The following DAB1 variants were observed in gnomAD, a reference collection of about 807,000 sequenced individuals.
DAB1 encodes disabled homolog 1.
A neutral mutation model predicts 64.6 loss-of-function variants in DAB1; 15 were observed. The ratio of observed to expected loss-of-function variants is 0.23; its 90% CI spans 0.16 to 0.36. The LOEUF (loss-of-function observed/expected upper bound fraction) is 0.36. DAB1 is among the 10% of genes least tolerant of loss of function. The pLI is 1.00. For missense variants in DAB1, 596 were observed against 706.7 expected (o/e 0.84, Z 1.78); for synonymous variants, 235 against 251.9 (o/e 0.93, Z 0.64).
At chr1:57,019,963 A>G (rs1242778974) in intron 11 of DAB1, among the ~76,000 whole-genome samples, 3 of 152,272 alleles carry the variant, frequency 2.0e-5, no homozygotes, top group Non-Finnish European at 2.9e-5. Flanking sequence ...AAAACGAAGG[A>G]ACTCCTCCAA....
intron 7 of DAB1, among the ~76,000 whole-genome samples, chr1:57,447,254 C>A (rs2781324): frequency 0.44 from 66,444 of 151,972 alleles, 16,488 homozygotes; most frequent in Admixed American, 0.57. Flanking sequence ...AAAGAAGGAG[C>A]CTCTGTGAGT....
At chr1:57,651,478 T>A in intron 6 of DAB1, among the ~76,000 whole-genome samples, 1 of 152,218 alleles carries the variant, frequency 6.6e-6, no homozygotes, top group East Asian at 1.9e-4. Flanking sequence ...ATAAAACTAG[T>A]GATATATAGC....
intron 6 of DAB1, among the ~76,000 whole-genome samples, chr1:57,733,095 C>T (rs3131729): frequency 0.2 from 29,802 of 151,684 alleles, 3,748 homozygotes; most frequent in East Asian, 0.41. Flanking sequence ...GATTAAGGAA[C>T]GAAAAGACAG....
chr1:57,851,528 G>A (rs1473781981), intron 1 of DAB1, among the ~76,000 whole-genome samples: 1 of 152,194 alleles, frequency 6.6e-6, no homozygotes, highest in Non-Finnish European at 1.5e-5. Flanking sequence ...TAGCTGCAGG[G>A]CTGCTGAGCA....
intron 2 of DAB1, among the ~76,000 whole-genome samples, chr1:57,281,801 G>A (rs1358607753): frequency 6.6e-6 from 1 of 152,060 alleles, no homozygotes; most frequent in East Asian, 1.9e-4. Flanking sequence ...TCGGGGACGG[G>A]GGCCAGTGGG....
intron 4 of DAB1, among the ~76,000 whole-genome samples, chr1:58,245,611 T>G (rs1000484893): frequency 6.6e-6 from 1 of 152,110 alleles, no homozygotes; most frequent in Non-Finnish European, 1.5e-5. Flanking sequence ...GAGATCTGGG[T>G]TTGAATCCAT....
chr1:57,643,850 C>T (rs1453151149), intron 7 of DAB1, among the ~76,000 whole-genome samples: 3 of 152,142 alleles, frequency 2.0e-5, no homozygotes, highest in Admixed American at 6.6e-5. Flanking sequence ...CCTCAAACAT[C>T]TAGGACTGCT....
At chr1:57,164,107 G>A (rs183489896) in intron 2 of DAB1, among the ~76,000 whole-genome samples, 10 of 152,174 alleles carry the variant, frequency 6.6e-5, no homozygotes, top group African/African-American at 1.4e-4. Flanking sequence ...TTGAGGTCTC[G>A]GAATGAAATG....
chr1:58,536,455 T>C (rs1335455907), intron 1 of DAB1: 11 of 751,078 alleles, frequency 1.5e-5, no homozygotes, highest in Non-Finnish European at 2.4e-5. Flanking sequence ...TTTAAGATAC[T>C]TTCCTACTTT....
intron 9 of DAB1, among the ~76,000 whole-genome samples, chr1:57,060,928 A>G (rs1329857732): frequency 1.3e-5 from 2 of 151,838 alleles, no homozygotes; most frequent in African/African-American, 2.4e-5. Flanking sequence ...CAGCAAATGG[A>G]GCATGTTTCC....
At chr1:57,745,450 A>G (rs990353465) in intron 6 of DAB1, among the ~76,000 whole-genome samples, 1 of 152,196 alleles carries the variant, frequency 6.6e-6, no homozygotes, top group East Asian at 1.9e-4. Flanking sequence ...TGTTAAGTCT[A>G]TATCCAGAGA....
At chr1:57,282,897 G>A (rs1418907449) in intron 2 of DAB1, among the ~76,000 whole-genome samples, 2 of 152,194 alleles carry the variant, frequency 1.3e-5, no homozygotes, top group Non-Finnish European at 2.9e-5. Context: ...TTTACATGAT[G>A]TAGCTAATCA....
At chr1:57,525,472 G>A (rs1644580190) in intron 7 of DAB1, among the ~76,000 whole-genome samples, 3 of 152,022 alleles carry the variant, frequency 2.0e-5, no homozygotes, top group Admixed American at 1.3e-4. Context: ...TTAATTCTAG[G>A]AAAAATGAAA....
chr1:57,388,917 C>T (rs1429740385), intron 1 of DAB1, among the ~76,000 whole-genome samples: 1 of 152,264 alleles, frequency 6.6e-6, no homozygotes, highest in Non-Finnish European at 1.5e-5. Flanking sequence ...CGTGCCCTAG[C>T]TCTGCATGGC....
chr1:57,972,109 T>C (rs1645810950), intron 5 of DAB1, among the ~76,000 whole-genome samples: 1 of 152,242 alleles, frequency 6.6e-6, no homozygotes, highest in Admixed American at 6.5e-5. Context: ...ACATATTTAT[T>C]CAAAAGCATA....
intron 1 of DAB1, among the ~76,000 whole-genome samples, chr1:57,295,069 A>G (rs920311028): frequency 3.9e-5 from 6 of 152,116 alleles, no homozygotes; most frequent in African/African-American, 1.4e-4. Context: ...GCCAGAGGCC[A>G]GGGGAGGGGC....
At chr1:57,857,353 C>T (rs1188150081) in intron 1 of DAB1, among the ~76,000 whole-genome samples, 1 of 152,124 alleles carries the variant, frequency 6.6e-6, no homozygotes, top group Non-Finnish European at 1.5e-5. Flanking sequence ...ACACTGGCAT[C>T]TGGAGAAGAT....
chr1:57,113,882 C>A (rs577605148), intron 4 of DAB1, among the ~76,000 whole-genome samples: 1 of 152,160 alleles, frequency 6.6e-6, no homozygotes, highest in Non-Finnish European at 1.5e-5. Context: ...CTCGTAAATA[C>A]TCATAAATAC....
At chr1:57,954,466 T>A (rs1371470042) in intron 5 of DAB1, among the ~76,000 whole-genome samples, 4 of 152,114 alleles carry the variant, frequency 2.6e-5, no homozygotes, top group Admixed American at 2.0e-4. Context: ...GGAGTTACAA[T>A]GATCATGCTT....
Sources: allele counts gnomAD v4.1 joint callset (sites outside exome capture counted in the v4.1 genomes callset), GRCh38; gene constraint gnomAD v4.1.1; transcripts MANE v1.5; gene names NCBI Gene and HGNC (gene_info 2026-07-23, HGNC 2026-07-21).